CELF2: variants seen among roughly 807,000 people sequenced by gnomAD.
The protein encoded by CELF2 is CUG triplet repeat RNA-binding protein 2.
A neutral mutation model predicts 62.6 loss-of-function variants in CELF2; 8 were observed. That is an observed-to-expected ratio of 0.13 (90% CI 0.07 to 0.23). The LOEUF is 0.23. Ranked by LOEUF, CELF2 falls within the 10% of genes least tolerant of loss-of-function variation. The pLI is 1.00. For synonymous variants in CELF2, 258 were observed against 250.0 expected, an observed-to-expected ratio of 1.03 and a Z score of -0.30; for missense variants, 333 against 671.0, an observed-to-expected ratio of 0.50 and a Z score of 5.56.
At chr10:11,250,240 G>A (rs925944848) in intron 4 of CELF2, among the ~76,000 whole-genome samples, 5 of 152,226 alleles carry the variant, frequency 3.3e-5, no homozygotes, top group Admixed American at 6.5e-5. Flanking sequence ...AGAAGGCAGC[G>A]GCCCATACCT....
At chr10:11,054,499 G>GTGTGTGTC in intron 1 of CELF2, among the ~76,000 whole-genome samples, 1 of 135,326 alleles carries the variant, frequency 7.4e-6, no homozygotes, top group Non-Finnish European at 1.6e-5. Flanking sequence ...TTGTGTGTGT[G>GTGTGTGTC]TGTGTGTGTG....
chr10:10,792,519 A>T, the CELF2 span: 1 of 398,132 alleles, frequency 2.5e-6, no homozygotes, highest in Non-Finnish European at 4.4e-6. Flanking sequence ...AAAACAGATG[A>T]GGAGTCCTGT....
intron 1 of CELF2, chr10:11,071,574 T>A (rs1264947075): frequency 6.6e-6 from 1 of 152,214 alleles, no homozygotes; most frequent in Non-Finnish European, 1.5e-5. Flanking sequence ...TTGGGGCTTA[T>A]TTTTATTGCT....
the CELF2 span, among the ~76,000 whole-genome samples, chr10:10,648,052 C>G: frequency 6.6e-6 from 1 of 152,168 alleles, no homozygotes; most frequent in Non-Finnish European, 1.5e-5. Context: ...TTTACTTACC[C>G]TTCAAGAAAT....
intron 1 of CELF2, among the ~76,000 whole-genome samples, chr10:11,142,549 G>A (rs2061523430): frequency 6.6e-6 from 1 of 151,908 alleles, no homozygotes; most frequent in African/African-American, 2.4e-5. Context: ...GCATGGCATG[G>A]TGGCGGCGCC....
intron 2 of CELF2, among the ~76,000 whole-genome samples, chr10:10,943,399 C>T (rs531029745): frequency 1.2e-3 from 177 of 152,230 alleles, no homozygotes; most frequent in African/African-American, 3.9e-3. Flanking sequence ...GACCCAAGAG[C>T]TACAGACAAT....
At chr10:11,229,133 G>C (rs2067689812) in intron 3 of CELF2, among the ~76,000 whole-genome samples, 1 of 152,184 alleles carries the variant, frequency 6.6e-6, no homozygotes, top group African/African-American at 2.4e-5. Context: ...GCTGGGGTGA[G>C]TACAGATCAC....
chr10:11,215,634 T>G (rs1482663558), intron 2 of CELF2, among the ~76,000 whole-genome samples: 1 of 151,796 alleles, frequency 6.6e-6, no homozygotes, highest in African/African-American at 2.4e-5. Flanking sequence ...AGGCGGTAAT[T>G]CAGAACTTCC....
intron 2 of CELF2, among the ~76,000 whole-genome samples, chr10:10,955,696 GC>G (rs921309770): frequency 6.6e-5 from 10 of 152,238 alleles, no homozygotes; most frequent in Admixed American, 1.3e-4. Context: ...CAGATAGTCT[GC>G]CCCCAGAACC....
the CELF2 span, among the ~76,000 whole-genome samples, chr10:10,774,656 C>T: frequency 6.6e-6 from 1 of 152,232 alleles, no homozygotes. Flanking sequence ...CAGTGCTTCC[C>T]GCACAGCCTG....
intron 1 of CELF2, among the ~76,000 whole-genome samples, chr10:10,806,811 G>A (rs1486201242): frequency 6.6e-6 from 1 of 152,194 alleles, no homozygotes; most frequent in Non-Finnish European, 1.5e-5. Flanking sequence ...TATTTGGTAA[G>A]GGGTGACCAT....
chr10:11,293,748 C>T (rs2092817076), intron 9 of CELF2, among the ~76,000 whole-genome samples: 1 of 152,080 alleles, frequency 6.6e-6, no homozygotes, highest in Non-Finnish European at 1.5e-5. Flanking sequence ...TCATAATTCC[C>T]CCTTGCATCT....
At chr10:10,643,555 A>C in the CELF2 span, among the ~76,000 whole-genome samples, 4 of 152,186 alleles carry the variant, frequency 2.6e-5, no homozygotes, top group Non-Finnish European at 5.9e-5. Context: ...TAGCAATGTG[A>C]GAATGGATTA....
At chr10:10,715,297 A>G in the CELF2 span, among the ~76,000 whole-genome samples, 1 of 152,188 alleles carries the variant, frequency 6.6e-6, no homozygotes, top group African/African-American at 2.4e-5. Context: ...TGTGTTTCTT[A>G]CTAGCTCCAT....
the CELF2 span, among the ~76,000 whole-genome samples, chr10:10,598,724 A>ATTTTCT: frequency 1.2e-4 from 9 of 76,256 alleles, no homozygotes; most frequent in Admixed American, 2.5e-4. Flanking sequence ...TCAAGGGCTG[A>ATTTTCT]TTTTCTTTTT....
intron 1 of CELF2, among the ~76,000 whole-genome samples, chr10:10,860,708 C>T (rs1259652335): frequency 6.6e-6 from 1 of 152,218 alleles, no homozygotes; most frequent in African/African-American, 2.4e-5. Flanking sequence ...CTTCACCCAA[C>T]AACGTGGCAG....
In CELF2 at chr10:11,332,651, C is replaced by A. The variant is rs1234138862; in HGVS notation, c.*3598C>A. On this transcript the variant is annotated 3_prime_UTR_variant, in exon 13 of 13. Coordinates refer to ENST00000633077, the MANE Select transcript of CELF2 (RefSeq NM_001326342.2). ...TCGGCATGCCCTGGAAGCTTCTTGG[C>A]CTCAGCTCCCCTTCCCCGCTCAGCA... 6.6e-6 allele frequency: 1 copy of A among 150,764 alleles called. No individual in the cohort carries two copies. The highest frequency in any genetic ancestry group is 1.5e-5 in the Non-Finnish European group (1 of 68,152). 9.3% of individuals were successfully genotyped at this position (150,764 alleles called of 1,614,324 possible).
At chr10:10,794,073 G>T (rs2054001356), upstream of CELF2, among the ~76,000 whole-genome samples, 1 of 152,098 alleles carries the variant, frequency 6.6e-6, no homozygotes, top group Non-Finnish European at 1.5e-5. Flanking sequence ...TGCACACGGG[G>T]TGTGCTGTAT....
intron 2 of CELF2, among the ~76,000 whole-genome samples, chr10:11,212,821 T>C (rs1264837956): frequency 6.8e-6 from 1 of 147,386 alleles, no homozygotes. Context: ...ACAAGGGATA[T>C]CCTGAAGTCA....
Sources: allele counts gnomAD v4.1 joint callset (sites outside exome capture counted in the v4.1 genomes callset), GRCh38; gene constraint gnomAD v4.1.1; transcripts MANE v1.5; gene names NCBI Gene and HGNC (gene_info 2026-07-23, HGNC 2026-07-21).